UBR1: variants seen among roughly 807,000 people sequenced by gnomAD.
UBR1 encodes the protein ubiquitin protein ligase E3 component n-recognin 1.
A neutral mutation model predicts 242.1 loss-of-function variants in UBR1; 102 were observed. The ratio of observed to expected loss-of-function variants is 0.42; its 90% CI spans 0.36 to 0.50. UBR1 has a LOEUF of 0.50. UBR1 is among the 20% of genes least tolerant of loss of function. The probability of loss-of-function intolerance (pLI) is 0.01; values close to 1 mark genes in which losing one functional copy is unlikely to be tolerated. For missense variants in UBR1, 1,772 were observed against 2,101.8 expected (o/e 0.84, Z 3.07); for synonymous variants, 675 against 684.8 (o/e 0.99, Z 0.22).
intron 6 of UBR1, among the ~76,000 whole-genome samples, chr15:43,062,296 G>A (rs2033698101): frequency 6.6e-6 from 1 of 151,992 alleles, no homozygotes; most frequent in South Asian, 2.1e-4. Context: ...TATATATACT[G>A]TATACAGTAC....
At chr15:42,976,152 A>G (rs1454299644) in intron 39 of UBR1, among the ~76,000 whole-genome samples, 2 of 152,248 alleles carry the variant, frequency 1.3e-5, no homozygotes, top group Non-Finnish European at 2.9e-5. Flanking sequence ...ACTGGGTTTA[A>G]CAAGTGTTAC....
intron 5 of UBR1, among the ~76,000 whole-genome samples, chr15:43,070,400 A>G (rs1596129343): frequency 6.6e-6 from 1 of 152,260 alleles, no homozygotes; most frequent in Non-Finnish European, 1.5e-5. Flanking sequence ...AAATGGAGAT[A>G]CACTGTTCCA....
chr15:43,073,110 G>A (rs566707544), intron 4 of UBR1, among the ~76,000 whole-genome samples: 3 of 151,742 alleles, frequency 2.0e-5, no homozygotes, highest in African/African-American at 4.8e-5. Context: ...ACAATGAGCC[G>A]AGATCATACC....
chr15:43,098,090 T>C (rs1160319353), intron 1 of UBR1, among the ~76,000 whole-genome samples: 1 of 152,302 alleles, frequency 6.6e-6, no homozygotes, highest in East Asian at 1.9e-4. Context: ...TTAGAGGCCA[T>C]TGTAGGGTTA....
intron 27 of UBR1, among the ~76,000 whole-genome samples, chr15:43,019,584 T>G (rs913247153): frequency 6.7e-6 from 1 of 148,364 alleles, no homozygotes; most frequent in African/African-American, 2.5e-5. Flanking sequence ...GCTTCAGGTT[T>G]TTTTTTTTTT....
chr15:42,960,788 AG>A, intron 42 of UBR1, 87 bp from the exon 43 acceptor site: 1 of 1,351,086 alleles, frequency 7.4e-7, no homozygotes, highest in Non-Finnish European at 1.0e-6. Flanking sequence ...TTTTTTTTTG[AG>A]ATGGATTCTC....
intron 7 of UBR1, 59 bp from the exon 8 acceptor site, chr15:43,059,884 G>T: frequency 6.3e-7 from 1 of 1,598,088 alleles, no homozygotes; most frequent in Non-Finnish European, 8.6e-7. Flanking sequence ...TTAGTTAAGG[G>T]ATTTATACTT....
intron 42 of UBR1, 138 bp downstream of exon 42, chr15:42,963,797 T>C: frequency 3.0e-6 from 2 of 661,856 alleles, no homozygotes; most frequent in South Asian, 1.7e-5. Flanking sequence ...ACTTCTTAAG[T>C]GTGTAACTTA....
chr15:43,055,220 G>A (rs139392444), intron 11 of UBR1, among the ~76,000 whole-genome samples: 2 of 152,198 alleles, frequency 1.3e-5, no homozygotes, highest in African/African-American at 4.8e-5. Context: ...CGAGGCAGGC[G>A]GATCACCTGA....
chr15:43,025,398 T>A lies in UBR1; in HGVS notation c.2567A>T (p.Gln856Leu). 5 of 1,609,286 alleles carry A rather than the reference T, an allele frequency of 3.1e-6. No homozygotes were observed. The highest frequency in any genetic ancestry group is 4.2e-6 in the Non-Finnish European group (5 of 1,177,604). Reference protein sequence around the residue: ...AEHMQKKRRKQENKDEALPPP... With the variant: ...AEHMQKKRRKLENKDEALPPP... ...CTTTTTACCTTCATCTTTGTTTTCT[T>A]GTTTTCTCCTTTTCTTCTGCATATG... Residue 856 changes from glutamine to leucine, a missense_variant, in exon 24 of 47, where the codon CAA (glutamine) becomes CTA (leucine). Physicochemically the swap from Gln to Leu is moderately radical, Grantham distance 113. This residue lies in a region of UBR1 where 965 missense variants were observed against 1,079.7 expected (regional missense o/e 0.89). Transcript: ENST00000290650.
At chr15:43,058,256 G>T (rs1302644319) in intron 10 of UBR1, 85 bp downstream of exon 10, 3 of 966,884 alleles carry the variant, frequency 3.1e-6, no homozygotes, top group South Asian at 3.0e-5. Context: ...TTTAATTTTT[G>T]ATTCATAATT....
chr15:42,961,206 G>A (rs890639924), intron 42 of UBR1, among the ~76,000 whole-genome samples: 30 of 144,410 alleles, frequency 2.1e-4, no homozygotes, highest in South Asian at 6.9e-4. Context: ...TCCATCTCCC[G>A]TGTTCCAGTG....
At chr15:43,092,992 A>G (rs1010048719) in intron 1 of UBR1, among the ~76,000 whole-genome samples, 1 of 152,104 alleles carries the variant, frequency 6.6e-6, no homozygotes, top group Non-Finnish European at 1.5e-5. Flanking sequence ...ATTTTCCCCC[A>G]TTTTCAACAG....
intron 14 of UBR1, among the ~76,000 whole-genome samples, chr15:43,046,380 CT>C (rs1443987842): frequency 1.3e-5 from 2 of 152,046 alleles, no homozygotes; most frequent in Non-Finnish European, 2.9e-5. Flanking sequence ...AGAAAGGAGG[CT>C]TTTATTATTG....
At chr15:43,082,336 CAA>C (rs2033983494) in intron 3 of UBR1, among the ~76,000 whole-genome samples, 1 of 152,056 alleles carries the variant, frequency 6.6e-6, no homozygotes, top group Non-Finnish European at 1.5e-5. Context: ...CACTGTAGAG[CAA>C]AGAGCTCAAA....
At position 43,095,613 on chromosome 15, in the gene UBR1, A is replaced by G. The variant is rs538493661; in HGVS notation, c.82-9373T>C. On this transcript the variant is annotated intron_variant, in intron 1 of 46. Coordinates refer to ENST00000290650, the MANE Select transcript of UBR1 (RefSeq NM_174916.3). ...GCTCATCAACTATGGTTTATTCAAG[A>G]GGAGGCATGTTAACTGAAAATATCT... 2.6e-5 allele frequency among the ~76,000 whole-genome samples: 4 copies of G among 152,180 alleles called. No individual in the cohort carries two copies. In the South Asian group the frequency reaches 8.3e-4, roughly 32 times the overall value.
intron 4 of UBR1, among the ~76,000 whole-genome samples, chr15:43,072,500 A>G (rs2033835071): frequency 6.6e-6 from 1 of 152,238 alleles, no homozygotes; most frequent in Non-Finnish European, 1.5e-5. Flanking sequence ...CTCCCTTTCC[A>G]ACGTGGATGC....
At chr15:43,016,999 T>C in intron 28 of UBR1, 96 bp downstream of exon 28, 1 of 873,822 alleles carries the variant, frequency 1.1e-6, no homozygotes, top group African/African-American at 1.7e-5. Context: ...ATCAACAGGT[T>C]TCTCCTAACA....
rs2033664047 is a variant in UBR1, at chr15:43,060,032, C to T, written c.861+20G>A. 1 of 1,612,728 alleles carries T rather than the reference C, an allele frequency of 6.2e-7. No individual in the cohort carries two copies. Among genetic ancestry groups the T allele is most frequent in the East Asian group, 2.2e-5 (1 of 44,874 alleles). On this transcript the variant is annotated intron_variant, in intron 7 of 46. Coordinates refer to ENST00000290650, the MANE Select transcript of UBR1 (RefSeq NM_174916.3). ...CATTCATCTTTAACTTCTCTTTTTC[C>T]CCCTAATTCAGAAAGTTACCTTTAT...
Sources: allele counts gnomAD v4.1 joint callset (sites outside exome capture counted in the v4.1 genomes callset), GRCh38; gene constraint gnomAD v4.1.1; regional missense constraint gnomAD v4.1.1; transcripts MANE v1.5; gene names NCBI Gene and HGNC (gene_info 2026-07-23, HGNC 2026-07-21).